YWHAZ: variants seen among roughly 807,000 people sequenced by gnomAD.
YWHAZ encodes the protein tyrosine 3-monooxygenase/tryptophan 5-monooxygenase activation protein zeta.
For synonymous variants in YWHAZ, 87 were observed against 103.6 expected, an observed-to-expected ratio of 0.84 and a Z score of 0.97; for missense variants, 79 against 284.8, an observed-to-expected ratio of 0.28 and a Z score of 5.20.
intron 1 of YWHAZ, chr8:100,951,024 G>C (rs1293379921): frequency 2.4e-6 from 1 of 424,644 alleles, no homozygotes; most frequent in Non-Finnish European, 3.2e-6. Flanking sequence ...CCCCGACCTG[G>C]ACTTGCAGCC....
intron 2 of YWHAZ, among the ~76,000 whole-genome samples, chr8:100,945,545 G>A (rs184364564): frequency 1.5e-3 from 221 of 151,982 alleles, no homozygotes; most frequent in Admixed American, 3.5e-3. Context: ...AAAGGCTGGA[G>A]TAATAAAAAA....
chr8:100,927,139 G>A (rs1287257171), intron 2 of YWHAZ, among the ~76,000 whole-genome samples: 2 of 152,166 alleles, frequency 1.3e-5, no homozygotes, highest in Non-Finnish European at 2.9e-5. Context: ...AATAACACCA[G>A]ACACCATGCT....
At chr8:100,953,148 G>A (rs1810921252), upstream of YWHAZ, 2 of 985,980 alleles carry the variant, frequency 2.0e-6, no homozygotes, top group Non-Finnish European at 2.4e-6. Context: ...GGTCCTGGCA[G>A]CCTTGACCCG....
intron 2 of YWHAZ, among the ~76,000 whole-genome samples, chr8:100,926,500 G>A (rs1011520576): frequency 6.6e-6 from 1 of 152,108 alleles, no homozygotes; most frequent in African/African-American, 2.4e-5. Context: ...GCGTGGTGAC[G>A]GGCGCCTGTA....
Position 100,924,843 on chromosome 8 carries a change from T to C in YWHAZ, c.418+73A>G, listed in dbSNP as rs998979162. 1.4e-5 allele frequency: 22 copies of C among 1,586,464 alleles called. No individual in the cohort carries two copies. Among genetic ancestry groups the C allele is most frequent in the African/African-American group, 9.5e-5 (7 of 73,872 alleles). On this transcript the variant is annotated intron_variant, in intron 3 of 5. Transcript: ENST00000395958. This position sits in a 1 kb window ranked among gnomAD's most constrained non-coding sequence, Gnocchi z 5.7. ...CTAAGCAATTCAAAACAAGACATTATGTACGCTTCAGAGACTCTTCCTCAC... is the reference window on the plus strand; with the variant it reads ...CTAAGCAATTCAAAACAAGACATTACGTACGCTTCAGAGACTCTTCCTCAC...
chr8:100,928,994 C>A (rs908090170), intron 2 of YWHAZ, among the ~76,000 whole-genome samples: 2 of 152,060 alleles, frequency 1.3e-5, no homozygotes, highest in African/African-American at 4.8e-5. Flanking sequence ...CCTCTTTTCA[C>A]ATAAAGGTAA....
chr8:100,922,088 G>A lies in YWHAZ; in HGVS notation c.679-1336C>T, dbSNP rs1308926142. Among the ~76,000 whole-genome samples the A allele has an allele frequency of 6.6e-6, 1 of 152,160 alleles. No individual in the cohort carries two copies. Among genetic ancestry groups the A allele is most frequent in the African/African-American group, 2.4e-5 (1 of 41,434 alleles). ...GTGTGCTCCTCCTGTCAAACAAGGG[G>A]TTTTGTAATTGCAAGATGAAATTGT... On this transcript the variant is annotated intron_variant, in intron 5 of 5. Coordinates refer to ENST00000395958, the MANE Select transcript of YWHAZ (RefSeq NM_145690.3). This position sits in a 1 kb window ranked among gnomAD's most constrained non-coding sequence, Gnocchi z 4.1.
chr8:100,951,657 A>AC, intron 1 of YWHAZ: 1 of 984,590 alleles, frequency 1.0e-6, no homozygotes. Context: ...TGGGCGCCCT[A>AC]CCCACCCCCG....
Position 100,918,413 on chromosome 8 carries a change from T to TATATATATATATATATATATAA in YWHAZ, c.*2279_*2280insTTATATATATATATATATATAT, listed in dbSNP as rs1812802874. ...AGCTATAAAATATAATTACTTTATATATATATATATATATATATATATATA... is the reference window on the plus strand; with the variant it reads ...AGCTATAAAATATAATTACTTTATATATATATATATATATATATATAAATATATATATATATATATATATATA... On this transcript the variant is annotated 3_prime_UTR_variant, in exon 6 of 6. Coordinates refer to ENST00000395958, the MANE Select transcript of YWHAZ (RefSeq NM_145690.3). The TATATATATATATATATATATAA allele has an allele frequency of 1.8e-5, 1 of 55,622 alleles. No individual in the cohort carries two copies. Among genetic ancestry groups the TATATATATATATATATATATAA allele is most frequent in the Non-Finnish European group, 3.5e-5 (1 of 28,330 alleles). 3.4% of individuals were successfully genotyped at this position (55,622 alleles called of 1,614,324 possible). A position where few individuals can be genotyped will look rare whatever the true frequency, so the allele number is the denominator to read the frequency against.
At chr8:100,923,245 T>G (rs534725512) in intron 5 of YWHAZ, 15 of 152,272 alleles carry the variant, frequency 9.9e-5, no homozygotes, top group African/African-American at 3.6e-4. Context: ...GCTTGATAAT[T>G]TTTTCACCTA....
chr8:100,948,498 A>T lies in YWHAZ; in HGVS notation c.294+98T>A. On this transcript the variant is annotated intron_variant, in intron 2 of 5. Transcript: ENST00000395958. This position sits in a 1 kb window ranked among gnomAD's most constrained non-coding sequence, Gnocchi z 4.2. Reference sequence around the variant, plus strand: ...TTTAAATTTGGAACACACAATGTTTAGAAGGAAAAGAAAAACCAAACAAAA... The same window carrying T: ...TTTAAATTTGGAACACACAATGTTTTGAAGGAAAAGAAAAACCAAACAAAA... The T allele has an allele frequency of 7.5e-7, 1 of 1,338,572 alleles. No homozygotes were observed. Among genetic ancestry groups the T allele is most frequent in the Non-Finnish European group, 1.0e-6 (1 of 981,626 alleles). The allele number at this position is 1,338,572 out of a possible 1,614,324, so 82.9% of individuals were successfully genotyped here.
At chr8:100,943,986 CA>C (rs36113483) in intron 2 of YWHAZ, among the ~76,000 whole-genome samples, 37 of 116,470 alleles carry the variant, frequency 3.2e-4, no homozygotes, top group South Asian at 2.9e-4. Flanking sequence ...GACTCCGTCT[CA>C]AAAAAAAAAA....
intron 1 of YWHAZ, chr8:100,950,658 G>C: frequency 6.5e-6 from 3 of 459,776 alleles, no homozygotes; most frequent in Non-Finnish European, 7.6e-6. Flanking sequence ...CCCAAGCCGT[G>C]GGGGGGGGGG....
intron 2 of YWHAZ, among the ~76,000 whole-genome samples, chr8:100,942,713 A>T (rs929385716): frequency 6.6e-6 from 1 of 152,224 alleles, no homozygotes; most frequent in Admixed American, 6.5e-5. Context: ...GGATAGTGAG[A>T]CGACCAAACT....
At position 100,948,185 on chromosome 8, in the gene YWHAZ, A is replaced by G. The variant is rs748287094; in HGVS notation, c.294+411T>C. On this transcript the variant is annotated intron_variant, in intron 2 of 5. Coordinates refer to ENST00000395958, the MANE Select transcript of YWHAZ (RefSeq NM_145690.3). This position sits in a 1 kb window ranked among gnomAD's most constrained non-coding sequence, Gnocchi z 4.2. ...AGCGGCTAATCCTGAGAAGAGTACT[A>G]TTTCTACAATGAGTATCCTATTACA... 4.0e-6 allele frequency: 6 copies of G among 1,481,484 alleles called. No individual in the cohort carries two copies. In the South Asian group the frequency reaches 6.3e-5, roughly 15 times the overall value. 91.8% of individuals were successfully genotyped at this position (1,481,484 alleles called of 1,614,324 possible).
chr8:100,944,567 A>C (rs943771203), intron 2 of YWHAZ, among the ~76,000 whole-genome samples: 1 of 152,232 alleles, frequency 6.6e-6, no homozygotes, highest in Non-Finnish European at 1.5e-5. Context: ...TAAATTTTAA[A>C]ATGAAACCTT....
intron 2 of YWHAZ, among the ~76,000 whole-genome samples, chr8:100,944,214 A>G (rs930968536): frequency 1.3e-5 from 2 of 152,176 alleles, no homozygotes; most frequent in African/African-American, 4.8e-5. Context: ...TTTTCATCTT[A>G]AAAACTGCTA....
rs1810537235 is a variant in YWHAZ at position 100,949,387 on chromosome 8, T to G, written c.-11-487A>C. On this transcript the variant is annotated intron_variant, in intron 1 of 5. Coordinates refer to ENST00000395958, the MANE Select transcript of YWHAZ (RefSeq NM_145690.3). ...AACTCACGTCTTTTTACTTTCATAA[T>G]ACTCTTGTCAAGAGTGATTACATTT... Among the ~76,000 whole-genome samples the G allele has an allele frequency of 2.0e-5, 3 of 151,576 alleles. No individual in the cohort carries two copies. The South Asian group carries it at 6.2e-4, about 31-fold the overall frequency.
In YWHAZ at chr8:100,950,658, G is replaced by A. The variant is rs56165483; in HGVS notation, c.-12+1271C>T. 38 of 459,776 alleles carry A rather than the reference G, an allele frequency of 8.3e-5. 1 individual carries two copies. The highest frequency in any genetic ancestry group is 4.8e-4 in the East Asian group (2 of 4,160). The allele number at this position is 459,776 out of a possible 1,614,324, so 28.5% of individuals were successfully genotyped here. ...CAGCCCGCGCCCCCGCCCAAGCCGT[G>A]GGGGGGGGGGAGAGATGGGGAGCGA... On this transcript the variant is annotated intron_variant, in intron 1 of 5. Coordinates refer to ENST00000395958, the MANE Select transcript of YWHAZ (RefSeq NM_145690.3).
Sources: gnomAD v4.1 joint callset for allele counts (sites outside exome capture counted in the v4.1 genomes callset) on GRCh38, gnomAD v4.1.1 for gene constraint, Gnocchi (gnomAD v3.1) non-coding constraint, MANE v1.5 for transcripts, NCBI Gene and HGNC (gene_info 2026-07-23, HGNC 2026-07-21) for gene names.